LAMA3: variants seen among roughly 807,000 people sequenced by gnomAD.
LAMA3 encodes laminin subunit alpha 3.
In LAMA3, 281 loss-of-function variants were observed where a neutral mutation model predicts 402.0. The ratio of observed to expected loss-of-function variants is 0.70; its 90% CI spans 0.63 to 0.77. LAMA3 has a LOEUF of 0.77. Among genes scored for constraint, LAMA3 ranks in the 30% least tolerant of loss-of-function variants. The pLI is 0.00. For missense variants in LAMA3, 3,840 were observed against 4,215.5 expected (o/e 0.91, Z 2.47); for synonymous variants, 1,431 against 1,558.4 (o/e 0.92, Z 1.93).
At chr18:23,778,312 C>G (rs1315875389) in intron 11 of LAMA3, among the ~76,000 whole-genome samples, 2 of 152,138 alleles carry the variant, frequency 1.3e-5, no homozygotes, top group Non-Finnish European at 2.9e-5. Context: ...TAGCAGAGAA[C>G]AGAACAGAAA....
rs139666002 is a variant in LAMA3, at chr18:23,775,948, G to A, written c.1405+25G>A. The A allele has an allele frequency of 0.011, 17,153 of 1,613,920 alleles. 297 individuals are homozygous for A. The highest frequency in any genetic ancestry group is 0.063 in the South Asian group (5,710 of 91,068). ...AGTAAGTACCCACTGCAGAACAAGA[G>A]GCCACCCTTTTTGGTCCATAGCTGG... is the stretch of plus-strand genomic sequence containing the variant. On this transcript the variant is annotated intron_variant, in intron 10 of 74. Transcript: ENST00000313654.
In LAMA3 at chr18:23,847,449, T is replaced by C. The variant is rs770426197; in HGVS notation, c.3932-15T>C. The C allele has an allele frequency of 1.6e-5, 25 of 1,608,138 alleles. No homozygotes were observed. The highest frequency in any genetic ancestry group is 2.1e-5 in the Non-Finnish European group (25 of 1,179,966). ...CCTTTGACCCTCACATGGTATTTCT[T>C]TATCCCCTGGCCAGCGTGCAGCTGT... On this transcript the variant is annotated splice_polypyrimidine_tract_variant and intron_variant, in intron 31 of 74. Coordinates refer to ENST00000313654, the MANE Select transcript of LAMA3 (RefSeq NM_198129.4).
chr18:23,759,452 G>A (rs1176497186), intron 7 of LAMA3, among the ~76,000 whole-genome samples: 2 of 151,830 alleles, frequency 1.3e-5, no homozygotes, highest in Non-Finnish European at 2.9e-5. Flanking sequence ...TATTCCAGTT[G>A]CAGAAAACAT....
In LAMA3 at chr18:23,691,572, T is replaced by A. The variant is rs1395798994; in HGVS notation, c.294+1595T>A. Among the ~76,000 whole-genome samples, 5 of 152,332 alleles carry A rather than the reference T, an allele frequency of 3.3e-5. No homozygotes were observed. The South Asian group carries it at 8.3e-4, about 25-fold the overall frequency. On this transcript the variant is annotated intron_variant, in intron 1 of 74. Coordinates refer to ENST00000313654, the MANE Select transcript of LAMA3 (RefSeq NM_198129.4). ...TTAGCTCTTATAACAATTCAGTTTT[T>A]AATTTAATTTTATTTTTGAGACAGG...
chr18:23,941,091 A>G (rs1046416102), intron 68 of LAMA3, among the ~76,000 whole-genome samples: 4 of 151,202 alleles, frequency 2.6e-5, no homozygotes, highest in African/African-American at 9.7e-5. Flanking sequence ...ACCCGCCACC[A>G]CGCCCGGCTA....
intron 1 of LAMA3, among the ~76,000 whole-genome samples, chr18:23,693,394 GT>G (rs1408544558): frequency 6.6e-6 from 1 of 152,142 alleles, no homozygotes; most frequent in Non-Finnish European, 1.5e-5. Flanking sequence ...TACCTATACT[GT>G]TGTTCTTTCT....
At chr18:23,930,911 A>C (rs550903701) in intron 64 of LAMA3, 151 bp from the exon 65 acceptor site, 1 of 694,804 alleles carries the variant, frequency 1.4e-6, no homozygotes, top group African/African-American at 1.8e-5. Flanking sequence ...ATATGCAAAA[A>C]ATAATCTTTA....
chr18:23,915,574 C>G, intron 59 of LAMA3, 152 bp downstream of exon 59: 1 of 712,722 alleles, frequency 1.4e-6, no homozygotes, highest in South Asian at 1.6e-5. Flanking sequence ...GCATGCAACA[C>G]TGGCAGTCCT....
intron 34 of LAMA3, among the ~76,000 whole-genome samples, chr18:23,859,634 G>T (rs2144726571): frequency 6.6e-6 from 1 of 152,210 alleles, no homozygotes; most frequent in East Asian, 1.9e-4. Flanking sequence ...ATAGGGTAAA[G>T]TCCAGAGGGT....
chr18:23,951,625 G>A, intron 72 of LAMA3, 59 bp from the exon 73 acceptor site: 1 of 1,361,662 alleles, frequency 7.3e-7, no homozygotes, highest in South Asian at 1.2e-5. Flanking sequence ...AAGATGGCAG[G>A]GGAAGGTCGG....
intron 14 of LAMA3, 93 bp downstream of exon 14, chr18:23,813,196 A>T: frequency 1.2e-6 from 1 of 860,846 alleles, no homozygotes; most frequent in South Asian, 1.4e-5. Context: ...CAGAAATTAA[A>T]ATAAGACCCA....
intron 35 of LAMA3, among the ~76,000 whole-genome samples, chr18:23,863,868 A>T (rs903192837): frequency 6.6e-6 from 1 of 152,216 alleles, no homozygotes; most frequent in African/African-American, 2.4e-5. Flanking sequence ...AGTAGCTGTC[A>T]GAAAACTGAC....
chr18:23,781,084 G>A (rs2062427633), intron 11 of LAMA3, among the ~76,000 whole-genome samples: 1 of 152,214 alleles, frequency 6.6e-6, no homozygotes, highest in Non-Finnish European at 1.5e-5. Flanking sequence ...TTCGTAATGA[G>A]GTGTGGGATG....
At chr18:23,866,174 TC>T (rs2064351790) in intron 36 of LAMA3, among the ~76,000 whole-genome samples, 1 of 152,208 alleles carries the variant, frequency 6.6e-6, no homozygotes, top group South Asian at 2.1e-4. Flanking sequence ...TCTAGAAAAT[TC>T]CTTGAGGGCA....
chr18:23,693,888 G>A (rs2060637791), intron 1 of LAMA3, among the ~76,000 whole-genome samples: 1 of 152,200 alleles, frequency 6.6e-6, no homozygotes, highest in African/African-American at 2.4e-5. Context: ...GCACCTGAGT[G>A]GTCTAAGTCA....
Position 23,805,226 on chromosome 18 carries a change from A to G in LAMA3, c.1604-5140A>G, listed in dbSNP as rs529050833. ...AGCCACATCTAGTATAGCAGCTGCAATTGGAGTTGCTACCTGGTTAAGTTT... is the reference window on the plus strand; with the variant it reads ...AGCCACATCTAGTATAGCAGCTGCAGTTGGAGTTGCTACCTGGTTAAGTTT... On this transcript the variant is annotated intron_variant, in intron 12 of 74. Coordinates refer to ENST00000313654, the MANE Select transcript of LAMA3 (RefSeq NM_198129.4). Among the ~76,000 whole-genome samples, 10 of 152,242 alleles carry G rather than the reference A, an allele frequency of 6.6e-5. No individual in the cohort carries two copies. The South Asian group carries it at 1.2e-3, about 19-fold the overall frequency.
rs1280977365 is a variant in LAMA3 at position 23,898,822 on chromosome 18, C to A, written c.5698C>A (p.Gln1900Lys). The A allele has an allele frequency of 6.2e-7, 1 of 1,610,416 alleles. No individual in the cohort carries two copies. The highest frequency in any genetic ancestry group is 1.3e-5 in the African/African-American group (1 of 74,880). The change falls in exon 45 of 75, where the codon CAA becomes AAA. Residue 1900 changes from glutamine (Q) to lysine (K), a missense_variant. By Grantham distance (53) the Gln-to-Lys change is moderately conservative. Transcript: ENST00000313654. ...GLERELTDLN[Q>K]EFETLQEKAQ... is the part of the protein sequence containing the mutation. ...GGAAAGAGAACTGACTGATTTGAAT[C>A]AAGAATTTGAGACTTTGCAAGAAAA...
intron 15 of LAMA3, among the ~76,000 whole-genome samples, chr18:23,814,822 A>ACT (rs2063144168): frequency 6.6e-6 from 1 of 152,232 alleles, no homozygotes; most frequent in Non-Finnish European, 1.5e-5. Context: ...CAGAGCCAGT[A>ACT]TAAGGACTTA....
chr18:23,933,417 A>G (rs1272365911), intron 66 of LAMA3, among the ~76,000 whole-genome samples: 1 of 152,212 alleles, frequency 6.6e-6, no homozygotes, highest in Non-Finnish European at 1.5e-5. Context: ...TAACAGTTGT[A>G]TTAATACACA....
Sources: allele counts gnomAD v4.1 joint callset (sites outside exome capture counted in the v4.1 genomes callset), GRCh38; gene constraint gnomAD v4.1.1; transcripts MANE v1.5; gene names NCBI Gene and HGNC (gene_info 2026-07-23, HGNC 2026-07-21).